The following RBBP8 variants were observed in gnomAD, a reference collection of about 807,000 sequenced individuals.
RBBP8 encodes the protein RB binding protein 8, endonuclease.
In RBBP8, 88 loss-of-function variants were observed where a neutral mutation model predicts 108.3. The observed-to-expected ratio is 0.81, with a 90% CI of 0.68 to 0.97. RBBP8 has a LOEUF of 0.97. Ranked by LOEUF, RBBP8 falls within the 50% of genes least tolerant of loss-of-function variation. The probability of loss-of-function intolerance (pLI) is 0.00; values close to 1 mark genes in which losing one functional copy is unlikely to be tolerated. For synonymous variants in RBBP8, 332 were observed against 348.2 expected (o/e 0.95, Z 0.52); for missense variants, 1,023 against 1,049.0 (o/e 0.98, Z 0.34).
intron 8 of RBBP8, among the ~76,000 whole-genome samples, chr18:22,988,292 G>A (rs763976947): frequency 5.9e-5 from 9 of 152,092 alleles, no homozygotes; most frequent in Non-Finnish European, 1.2e-4. Flanking sequence ...TCTCTTCATT[G>A]TCTACAGGAT....
At chr18:22,917,655 C>T (rs899284483) in intron 3 of RBBP8, among the ~76,000 whole-genome samples, 10 of 151,998 alleles carry the variant, frequency 6.6e-5, no homozygotes, top group African/African-American at 1.5e-4. Flanking sequence ...AGAATATGCA[C>T]GTTTTTGTCA....
chr18:22,936,742 C>A lies in RBBP8; in HGVS notation c.-98-12C>A. 8.2e-7 allele frequency: 1 copy of A among 1,213,432 alleles called. No homozygotes were observed. The highest frequency in any genetic ancestry group is 1.2e-6 in the Non-Finnish European group (1 of 827,058). 75.2% of individuals were successfully genotyped at this position (1,213,432 alleles called of 1,614,324 possible). A position where few individuals can be genotyped will look rare whatever the true frequency, so the allele number is the denominator to read the frequency against. ...ATGCAAAGTTCATTTATGTTGCAAT[C>A]TGTCATTTCAGGTATTTGACCTGTC... On this transcript the variant is annotated splice_polypyrimidine_tract_variant and intron_variant, in intron 1 of 18. Coordinates refer to ENST00000327155, the MANE Select transcript of RBBP8 (RefSeq NM_002894.3).
intron 17 of RBBP8, among the ~76,000 whole-genome samples, chr18:23,019,797 T>C (rs1456793376): frequency 6.8e-6 from 1 of 147,292 alleles, no homozygotes; most frequent in Non-Finnish European, 1.5e-5. Flanking sequence ...AGTCTCACTC[T>C]GTTGCCCAGG....
chr18:22,926,067 C>T (rs1381359414), intron 3 of RBBP8, among the ~76,000 whole-genome samples: 1 of 152,268 alleles, frequency 6.6e-6, no homozygotes, highest in East Asian at 1.9e-4. Context: ...GAAATATTGT[C>T]CAAACAGCCA....
At chr18:22,987,734 G>A (rs973868370) in intron 8 of RBBP8, among the ~76,000 whole-genome samples, 4 of 152,186 alleles carry the variant, frequency 2.6e-5, no homozygotes, top group South Asian at 2.1e-4. Context: ...GATTACAGGC[G>A]TGAACCACTG....
chr18:22,918,034 T>C (rs1791816717), intron 3 of RBBP8, among the ~76,000 whole-genome samples: 1 of 151,390 alleles, frequency 6.6e-6, no homozygotes, highest in African/African-American at 2.4e-5. Flanking sequence ...TTGGAAAATA[T>C]TTTAACCTTC....
Position 22,993,298 on chromosome 18 carries a change from C to G in RBBP8, c.1471C>G (p.Leu491Val), listed in dbSNP as rs561139689. 4 of 1,614,224 alleles carry G rather than the reference C, an allele frequency of 2.5e-6. No homozygotes were observed. Among genetic ancestry groups the G allele is most frequent in the Non-Finnish European group, 3.4e-6 (4 of 1,180,030 alleles). The change falls in exon 11 of 19, where the codon CTG becomes GTG. Residue 491 changes from leucine to valine, a missense_variant. Leu to Val is a conservative substitution (Grantham distance 32). Transcript: ENST00000327155. ...MNGDCVMDKP[L>V]DLSDRFSAIQ... ...TGGAGACTGTGTGATGGATAAACCTCTGGATCTGTCTGATCGATTTTCAGC... is the reference window on the plus strand; with the variant it reads ...TGGAGACTGTGTGATGGATAAACCTGTGGATCTGTCTGATCGATTTTCAGC...
chr18:22,957,596 T>C (rs531668710), intron 4 of RBBP8, among the ~76,000 whole-genome samples: 1 of 152,330 alleles, frequency 6.6e-6, no homozygotes, highest in South Asian at 2.1e-4. Context: ...TGCCCTTTTT[T>C]CCCTTTACCT....
chr18:22,978,679 A>G (rs1475838687), intron 6 of RBBP8, among the ~76,000 whole-genome samples: 1 of 152,206 alleles, frequency 6.6e-6, no homozygotes, highest in East Asian at 1.9e-4. Context: ...TTCACACTCC[A>G]TTAATTTATA....
At chr18:22,992,691 T>C in intron 10 of RBBP8, 57 bp from the exon 11 acceptor site, 1 of 1,453,914 alleles carries the variant, frequency 6.9e-7, no homozygotes, top group Non-Finnish European at 9.5e-7. Context: ...TTCTAAGAGG[T>C]AGATAAGACC....
At chr18:22,976,519 CAT>C (rs1000719248) in intron 6 of RBBP8, among the ~76,000 whole-genome samples, 1 of 152,076 alleles carries the variant, frequency 6.6e-6, no homozygotes, top group African/African-American at 2.4e-5. Flanking sequence ...TGTGAGTATT[CAT>C]ATGTTTTGCT....
upstream of RBBP8, among the ~76,000 whole-genome samples, chr18:22,928,666 C>T (rs1316711021): frequency 6.7e-6 from 1 of 148,624 alleles, no homozygotes; most frequent in Non-Finnish European, 1.5e-5. Context: ...TAGGCAATAG[C>T]CTTTTTTTCT....
chr18:22,989,097 C>G (rs1157972355), intron 8 of RBBP8, 124 bp from the exon 9 acceptor site: 4 of 657,994 alleles, frequency 6.1e-6, no homozygotes, highest in South Asian at 5.3e-5. Flanking sequence ...TAAAATGTGT[C>G]TAGTGCCATC....
intron 2 of RBBP8, 86 bp downstream of exon 2, chr18:22,937,046 TATTTC>T (rs748653450): frequency 6.4e-7 from 1 of 1,573,578 alleles, no homozygotes; most frequent in South Asian, 1.1e-5. Flanking sequence ...TCCTGTTTAT[TATTTC>T]TATTTCAGCT....
chr18:22,964,284 T>C (rs535528630), intron 4 of RBBP8, among the ~76,000 whole-genome samples: 2 of 152,088 alleles, frequency 1.3e-5, no homozygotes, highest in Admixed American at 1.3e-4. Flanking sequence ...TGAACGCTTA[T>C]GGGCTCTTAT....
rs917173965 is a variant in RBBP8 at position 22,993,818 on chromosome 18, G to A, written c.1910G>A (p.Gly637Asp). 1.7e-5 allele frequency: 28 copies of A among 1,613,372 alleles called. No individual in the cohort carries two copies. The highest frequency in any genetic ancestry group is 2.4e-5 in the Non-Finnish European group (28 of 1,179,462). The change falls in exon 12 of 19, where the codon GGT (glycine) becomes GAT (aspartate). Residue 637 changes from glycine to aspartate, a missense_variant. Physicochemically the swap from Gly to Asp is moderately conservative, Grantham distance 94. Coordinates refer to ENST00000327155, the MANE Select transcript of RBBP8 (RefSeq NM_002894.3). Reference protein sequence around the residue: ...SVLQLNPCRTGKIKSLQNNQD... With the variant: ...SVLQLNPCRTDKIKSLQNNQD... ...CTTCAGTTAAATCCATGTAGAACTGGTAAAATAAAGTCTCTACAAAACAAC... is the reference window on the plus strand; with the variant it reads ...CTTCAGTTAAATCCATGTAGAACTGATAAAATAAAGTCTCTACAAAACAAC...
chr18:22,990,848 C>G (rs199852834), intron 9 of RBBP8, 89 bp from the exon 10 acceptor site: 1 of 960,068 alleles, frequency 1.0e-6, no homozygotes, highest in East Asian at 2.6e-5. Context: ...TGAGGTTCAT[C>G]TACATCATAA....
chr18:23,006,250 C>T, intron 15 of RBBP8, 113 bp from the exon 16 acceptor site: 1 of 898,490 alleles, frequency 1.1e-6, no homozygotes, highest in South Asian at 1.4e-5. Context: ...AGGCCTGGAG[C>T]ATGAAACCCA....
upstream of RBBP8, among the ~76,000 whole-genome samples, chr18:22,928,935 G>C (rs143375644): frequency 2.0e-5 from 3 of 152,282 alleles, no homozygotes; most frequent in African/African-American, 7.2e-5. Flanking sequence ...CTCCCAAAGT[G>C]CAGGGATTAT....
Sources: allele counts gnomAD v4.1 joint callset (sites outside exome capture counted in the v4.1 genomes callset), GRCh38; gene constraint gnomAD v4.1.1; transcripts MANE v1.5; gene names NCBI Gene and HGNC (gene_info 2026-07-23, HGNC 2026-07-21).